The following DMD variants were observed in gnomAD, a reference collection of about 807,000 sequenced individuals.
DMD encodes mutant dystrophin.
DMD carries 63 observed loss-of-function variants against 330.1 expected under a neutral mutation model. The ratio of observed to expected loss-of-function variants is 0.19; its 90% confidence interval spans 0.16 to 0.24. DMD has a LOEUF of 0.24. DMD is among the 10% of genes least tolerant of loss of function. DMD has a pLI of 1.00. For synonymous variants in DMD, 1,223 were observed against 959.8 expected, an observed-to-expected ratio of 1.27 and a Z score of -5.07; for missense variants, 3,344 against 2,684.1, an observed-to-expected ratio of 1.25 and a Z score of -5.43.
At chrX:32,885,183 C>T (rs1473183555) in intron 2 of DMD, among the ~76,000 whole-genome samples, 2 of 111,908 alleles carry the variant, frequency 1.8e-5, no homozygotes, top group Non-Finnish European at 3.8e-5. Context: ...ATCTCATTAA[C>T]TGAACAAACC....
At chrX:31,782,434 A>G (rs2091061888) in intron 50 of DMD, among the ~76,000 whole-genome samples, 1 of 110,941 alleles carries the variant, frequency 9.0e-6, no homozygotes, top group South Asian at 3.9e-4. Flanking sequence ...TGTCACCCAC[A>G]CCGTCTCAAC....
chrX:32,430,771 G>C (rs181990326), intron 29 of DMD, among the ~76,000 whole-genome samples: 102 of 111,529 alleles, frequency 9.1e-4, no homozygotes, highest in African/African-American at 2.9e-3. Context: ...TAGTTTGACT[G>C]TATTAGATTC....
intron 62 of DMD, among the ~76,000 whole-genome samples, chrX:31,297,321 C>T (rs1200896424): frequency 5.4e-5 from 6 of 110,925 alleles, no homozygotes; most frequent in Admixed American, 4.8e-4. Flanking sequence ...CTGAAGACCG[C>T]TATTCCCAGA....
At chrX:31,511,040 G>C (rs770754762) in intron 55 of DMD, among the ~76,000 whole-genome samples, 2 of 110,831 alleles carry the variant, frequency 1.8e-5, no homozygotes, top group African/African-American at 3.3e-5. Context: ...TGTTCCTTTG[G>C]GATGGCAGGC....
intron 22 of DMD, among the ~76,000 whole-genome samples, chrX:32,470,133 A>C (rs983086029): frequency 1.8e-5 from 2 of 111,190 alleles, no homozygotes; most frequent in Admixed American, 9.6e-5. Context: ...TAATTTTTTT[A>C]CTTCTTCCTT....
At chrX:33,289,358 A>T (rs1285517117) in intron 1 of DMD, among the ~76,000 whole-genome samples, 1 of 111,492 alleles carries the variant, frequency 9.0e-6, no homozygotes, top group African/African-American at 3.3e-5. Context: ...ATCCAAGGAA[A>T]ATTTCAGAAC....
At chrX:32,446,804 G>A (rs1392322705) in intron 27 of DMD, among the ~76,000 whole-genome samples, 2 of 110,013 alleles carry the variant, frequency 1.8e-5, no homozygotes, top group African/African-American at 3.3e-5. Flanking sequence ...GAGAGGTATA[G>A]AGAAATATTT....
intron 31 of DMD, among the ~76,000 whole-genome samples, 180 bp from the exon 32 acceptor site, chrX:32,389,854 G>A (rs1006575896): frequency 6.3e-5 from 7 of 111,645 alleles, no homozygotes; most frequent in African/African-American, 2.3e-4. Flanking sequence ...GAATGATTCA[G>A]TAGTTTTTTC....
At chrX:31,600,724 C>A (rs1160929915) in intron 55 of DMD, among the ~76,000 whole-genome samples, 1 of 108,730 alleles carries the variant, frequency 9.2e-6, no homozygotes, top group Admixed American at 9.9e-5. Context: ...TCTCTTTTTC[C>A]CTGAGTATCA....
At chrX:33,011,993 A>C (rs1187637232) in intron 2 of DMD, among the ~76,000 whole-genome samples, 1 of 111,672 alleles carries the variant, frequency 9.0e-6, no homozygotes, top group Non-Finnish European at 1.9e-5. Context: ...TTCTTGTATC[A>C]GGACATGATA....
At chrX:33,319,905 G>GAAAAAGGT (rs1304371245) in intron 1 of DMD, among the ~76,000 whole-genome samples, 3 of 111,325 alleles carry the variant, frequency 2.7e-5, no homozygotes, top group African/African-American at 9.9e-5. Flanking sequence ...AATTTAGATT[G>GAAAAAGGT]AAAAAGGTAA....
chrX:31,657,856 G>C, intron 54 of DMD, 134 bp downstream of exon 54: 2 of 635,705 alleles, frequency 3.1e-6, no homozygotes, highest in East Asian at 3.4e-5. Context: ...CGTGAGTTTA[G>C]TTGGTATTTA....
intron 1 of DMD, among the ~76,000 whole-genome samples, chrX:33,321,644 T>C (rs1365165036): frequency 2.7e-5 from 3 of 111,323 alleles, no homozygotes; most frequent in Non-Finnish European, 5.7e-5. Flanking sequence ...TGCATTAGAC[T>C]CTAGCAAAAG....
At chrX:33,304,302 A>C (rs1312053057) in intron 1 of DMD, among the ~76,000 whole-genome samples, 2 of 111,032 alleles carry the variant, frequency 1.8e-5, no homozygotes, top group Non-Finnish European at 3.8e-5. Context: ...CCTGAGAAAA[A>C]CAAGCAATGG....
At chrX:31,231,183 A>T (rs759923448) in intron 63 of DMD, among the ~76,000 whole-genome samples, 192 of 111,062 alleles carry the variant, frequency 1.7e-3, no homozygotes, top group African/African-American at 5.6e-3. Flanking sequence ...TTATGGATCC[A>T]TAAGGATAAA....
intron 60 of DMD, among the ~76,000 whole-genome samples, chrX:31,436,427 C>T (rs772469781): frequency 1.8e-5 from 2 of 110,082 alleles, no homozygotes; most frequent in South Asian, 3.9e-4. Context: ...TTCTGTACAT[C>T]GTTCATTTAT....
At chrX:31,448,874 C>G (rs2065482441) in intron 59 of DMD, among the ~76,000 whole-genome samples, 1 of 112,114 alleles carries the variant, frequency 8.9e-6, no homozygotes, top group Non-Finnish European at 1.9e-5. Context: ...ATAGGTAAGT[C>G]TGATATAATA....
intron 47 of DMD, among the ~76,000 whole-genome samples, chrX:31,922,374 C>T (rs952974080): frequency 1.8e-5 from 2 of 111,184 alleles, no homozygotes; most frequent in African/African-American, 6.6e-5. Flanking sequence ...CAGGTGAAAG[C>T]GAGTGTTTTC....
At chrX:32,387,469 A>T (rs2097967148) in intron 32 of DMD, among the ~76,000 whole-genome samples, 1 of 111,493 alleles carries the variant, frequency 9.0e-6, no homozygotes, top group African/African-American at 3.2e-5. Context: ...CAAAAAATAA[A>T]CCTGACAGTA....
Sources: gnomAD v4.1 joint callset for allele counts (sites outside exome capture counted in the v4.1 genomes callset) on GRCh38, gnomAD v4.1.1 for gene constraint, MANE v1.5 for transcripts, NCBI Gene and HGNC (gene_info 2026-07-23, HGNC 2026-07-21) for gene names.